LEKR1: variants seen among roughly 807,000 people sequenced by gnomAD.
LEKR1 encodes the protein leucine, glutamate and lysine rich 1.
In LEKR1, 59 loss-of-function variants were observed where a neutral mutation model predicts 72.4. The observed-to-expected ratio is 0.82, with a 90% CI of 0.66 to 1.01. The LOEUF is 1.01. Among genes scored for constraint, LEKR1 ranks in the 50% least tolerant of loss-of-function variants. The pLI is 0.00. For missense variants in LEKR1, 728 were observed against 759.2 expected, an observed-to-expected ratio of 0.96 and a Z score of 0.48; for synonymous variants, 257 against 263.2, an observed-to-expected ratio of 0.98 and a Z score of 0.23.
At chr3:156,850,722 T>G (rs1400155802) in intron 2 of LEKR1, among the ~76,000 whole-genome samples, 1 of 152,224 alleles carries the variant, frequency 6.6e-6, no homozygotes, top group Non-Finnish European at 1.5e-5. Context: ...TTCTTCTGGG[T>G]CTGATGTCCA....
chr3:157,035,404 G>T (rs1399880315), intron 12 of LEKR1, among the ~76,000 whole-genome samples: 1 of 151,960 alleles, frequency 6.6e-6, no homozygotes, highest in African/African-American at 2.4e-5. Flanking sequence ...GAATACCAGG[G>T]GTTTACTCTC....
chr3:157,001,793 G>A (rs1005654773), intron 9 of LEKR1, among the ~76,000 whole-genome samples: 6 of 152,090 alleles, frequency 3.9e-5, no homozygotes, highest in Non-Finnish European at 8.8e-5. Flanking sequence ...TTATCACTCA[G>A]GTCTTCATTT....
chr3:156,990,749 G>T (rs1731086819), intron 7 of LEKR1, among the ~76,000 whole-genome samples: 1 of 152,124 alleles, frequency 6.6e-6, no homozygotes, highest in Admixed American at 6.5e-5. Context: ...TCTGAAATTA[G>T]AATATTATGT....
chr3:156,925,601 C>A (rs968844482), intron 4 of LEKR1, among the ~76,000 whole-genome samples: 1 of 151,920 alleles, frequency 6.6e-6, no homozygotes, highest in African/African-American at 2.4e-5. Flanking sequence ...TATTGTGAAC[C>A]AGATGATGCT....
intron 9 of LEKR1, among the ~76,000 whole-genome samples, chr3:157,003,451 T>C (rs994093093): frequency 1.3e-5 from 2 of 152,180 alleles, no homozygotes; most frequent in African/African-American, 4.8e-5. Context: ...GAAGTTCAAA[T>C]GAATCTTAAG....
At position 157,000,932 on chromosome 3, in the gene LEKR1, A is replaced by T. The variant is rs778896288; in HGVS notation, c.1109+7655A>T. 7.2e-4 allele frequency among the ~76,000 whole-genome samples: 110 copies of T among 152,282 alleles called. 1 individual carries two copies. The highest frequency in any genetic ancestry group is 3.4e-4 in the Non-Finnish European group (23 of 68,026). On this transcript the variant is annotated intron_variant, in intron 9 of 12. Coordinates refer to ENST00000356539, the MANE Select transcript of LEKR1 (RefSeq NM_001004316.3). ...TTGTAATAGTGAGTGAGTTCTCAAG[A>T]CATCTAACAGTTTTATAAGGGGCTC... is the stretch of plus-strand genomic sequence containing the variant.
intron 5 of LEKR1, among the ~76,000 whole-genome samples, chr3:156,933,523 T>C (rs1725433922): frequency 1.3e-5 from 2 of 152,316 alleles, no homozygotes; most frequent in South Asian, 4.1e-4. Flanking sequence ...ATAAAAGATA[T>C]GAATGTACAT....
At chr3:157,030,337 C>G (rs1734511330) in intron 12 of LEKR1, among the ~76,000 whole-genome samples, 1 of 152,158 alleles carries the variant, frequency 6.6e-6, no homozygotes, top group African/African-American at 2.4e-5. Context: ...TTGGAGTTGA[C>G]AAACTTCCAT....
In LEKR1 at chr3:156,836,082, G is replaced by A. The variant is rs986850115; in HGVS notation, c.48+6705G>A. Among the ~76,000 whole-genome samples, 4 of 151,700 alleles carry A rather than the reference G, an allele frequency of 2.6e-5. No homozygotes were observed. The East Asian group carries it at 5.8e-4, about 22-fold the overall frequency. The stretch of plus-strand genomic sequence containing the variant: ...AGAGAGGGGCTTTCGTCATGTTCAA[G>A]ACTGGCCTTGAACTCCTGACCTCAG... On this transcript the variant is annotated intron_variant, in intron 2 of 12. Coordinates refer to ENST00000356539, the MANE Select transcript of LEKR1 (RefSeq NM_001004316.3).
At chr3:156,953,677 G>T (rs1034867462) in intron 6 of LEKR1, among the ~76,000 whole-genome samples, 4 of 151,854 alleles carry the variant, frequency 2.6e-5, no homozygotes, top group Admixed American at 6.6e-5. Context: ...ATCCATCCAT[G>T]TCTCTTCAGA....
chr3:156,987,922 T>C (rs1730838496), intron 7 of LEKR1, among the ~76,000 whole-genome samples: 2 of 152,214 alleles, frequency 1.3e-5, no homozygotes, highest in South Asian at 2.1e-4. Flanking sequence ...GTTGAACCAA[T>C]CTGGGAGATC....
intron 6 of LEKR1, among the ~76,000 whole-genome samples, chr3:156,978,788 T>C (rs967494471): frequency 1.3e-5 from 2 of 152,170 alleles, no homozygotes; most frequent in Non-Finnish European, 2.9e-5. Context: ...GCAGGAAGAC[T>C]CAGCCATGCT....
chr3:157,037,601 A>G (rs1047336279), intron 12 of LEKR1, among the ~76,000 whole-genome samples: 1 of 152,184 alleles, frequency 6.6e-6, no homozygotes, highest in African/African-American at 2.4e-5. Context: ...CCCCAAGTCT[A>G]AGTGCAAGGA....
At chr3:156,842,782 A>G (rs1442370732) in intron 2 of LEKR1, among the ~76,000 whole-genome samples, 1 of 152,170 alleles carries the variant, frequency 6.6e-6, no homozygotes, top group East Asian at 1.9e-4. Context: ...CTCCTCAGGG[A>G]ATTTTAGGGA....
intron 4 of LEKR1, among the ~76,000 whole-genome samples, chr3:156,922,423 A>C (rs1406536511): frequency 6.6e-6 from 1 of 152,058 alleles, no homozygotes; most frequent in South Asian, 2.1e-4. Context: ...ATGAAAAAAA[A>C]AAAAGAGTTA....
At chr3:156,849,796 A>G (rs571452344) in intron 2 of LEKR1, among the ~76,000 whole-genome samples, 1 of 152,340 alleles carries the variant, frequency 6.6e-6, no homozygotes, top group African/African-American at 2.4e-5. Context: ...ACCTAAAACC[A>G]TAAAAACCCT....
At chr3:156,877,973 G>A (rs1308141072) in intron 3 of LEKR1, among the ~76,000 whole-genome samples, 2 of 151,934 alleles carry the variant, frequency 1.3e-5, no homozygotes, top group Non-Finnish European at 2.9e-5. Flanking sequence ...GGTAGAGATG[G>A]GGTTTCACCA....
intron 10 of LEKR1, among the ~76,000 whole-genome samples, chr3:157,014,971 T>A (rs1733191145): frequency 6.6e-6 from 1 of 152,078 alleles, no homozygotes; most frequent in South Asian, 2.1e-4. Flanking sequence ...GGGACCAAAT[T>A]TACCCTCCTA....
At chr3:156,915,762 T>C (rs1034015406) in intron 3 of LEKR1, among the ~76,000 whole-genome samples, 6 of 152,220 alleles carry the variant, frequency 3.9e-5, no homozygotes, top group Non-Finnish European at 7.3e-5. Flanking sequence ...CTTTTAAGTT[T>C]ACTTAGATCA....
Sources: gnomAD v4.1 joint callset for allele counts (sites outside exome capture counted in the v4.1 genomes callset) on GRCh38, gnomAD v4.1.1 for gene constraint, MANE v1.5 for transcripts, NCBI Gene and HGNC (gene_info 2026-07-23, HGNC 2026-07-21) for gene names.